PACRG: variants seen among roughly 807,000 people sequenced by gnomAD.
PACRG encodes parkin coregulated, also known as parkin coregulated gene protein.
Under a neutral mutation model 29.7 loss-of-function variants are expected in PACRG, and 29 were observed. That is an observed-to-expected ratio of 0.98 (90% CI 0.73 to 1.33). The LOEUF (loss-of-function observed/expected upper bound fraction) is 1.33. Ranked by LOEUF, PACRG falls within the 40% of genes most tolerant of loss-of-function variation. PACRG has a pLI of 0.00. For missense variants in PACRG, 279 were observed against 316.2 expected, an observed-to-expected ratio of 0.88 and a Z score of 0.89; for synonymous variants, 116 against 118.7, an observed-to-expected ratio of 0.98 and a Z score of 0.15.
chr6:162,832,340 G>A (rs1466858054), intron 2 of PACRG, among the ~76,000 whole-genome samples: 1 of 152,004 alleles, frequency 6.6e-6, no homozygotes, highest in African/African-American at 2.4e-5. Flanking sequence ...CATGTCTTTT[G>A]CCCACTTCTT....
At chr6:163,265,287 C>T (rs1783488098) in intron 4 of PACRG, among the ~76,000 whole-genome samples, 1 of 152,118 alleles carries the variant, frequency 6.6e-6, no homozygotes, top group African/African-American at 2.4e-5. Context: ...TGTGCAGGCC[C>T]CTTCTGGTCC....
chr6:163,268,138 C>T (rs953471750), intron 4 of PACRG, among the ~76,000 whole-genome samples: 1 of 152,156 alleles, frequency 6.6e-6, no homozygotes, highest in Non-Finnish European at 1.5e-5. Context: ...CGGTGGCTCA[C>T]ACCTGTAATC....
intron 2 of PACRG, among the ~76,000 whole-genome samples, chr6:162,829,364 A>G (rs1473846283): frequency 6.6e-6 from 1 of 152,246 alleles, no homozygotes; most frequent in East Asian, 1.9e-4. Flanking sequence ...GTATAACAGG[A>G]TGTATCTGAG....
At chr6:162,976,195 G>A (rs570219124) in intron 2 of PACRG, among the ~76,000 whole-genome samples, 3 of 152,338 alleles carry the variant, frequency 2.0e-5, no homozygotes, top group Admixed American at 6.5e-5. Context: ...GAATAACAGA[G>A]GCACTGAGTA....
chr6:162,834,161 C>T (rs1789019197), intron 2 of PACRG, among the ~76,000 whole-genome samples: 1 of 151,938 alleles, frequency 6.6e-6, no homozygotes, highest in African/African-American at 2.4e-5. Flanking sequence ...GCAATATGGC[C>T]TCCAAATGTT....
At chr6:163,256,117 G>T (rs1466694323) in intron 4 of PACRG, among the ~76,000 whole-genome samples, 1 of 152,044 alleles carries the variant, frequency 6.6e-6, no homozygotes, top group Non-Finnish European at 1.5e-5. Context: ...AAACATATTT[G>T]ACTTTAATTT....
At chr6:162,727,338 A>ACGGTG, upstream of PACRG, 2 of 378,500 alleles carry the variant, frequency 5.3e-6, no homozygotes, top group Non-Finnish European at 9.4e-6. Flanking sequence ...CGGCGGGGAG[A>ACGGTG]AGGCTTCGGG....
chr6:163,009,167 A>T (rs528452000), intron 2 of PACRG, among the ~76,000 whole-genome samples: 9 of 152,326 alleles, frequency 5.9e-5, no homozygotes, highest in Middle Eastern at 6.8e-3. Context: ...CAAAATCCAG[A>T]TAACTGGCAA....
chr6:162,771,893 G>A (rs1309778148), intron 1 of PACRG, among the ~76,000 whole-genome samples: 1 of 152,078 alleles, frequency 6.6e-6, no homozygotes, highest in Non-Finnish European at 1.5e-5. Context: ...CCTTGTTAAG[G>A]AGAATAGTAG....
intron 4 of PACRG, among the ~76,000 whole-genome samples, chr6:163,148,901 C>T (rs1199615650): frequency 1.4e-5 from 2 of 137,960 alleles, no homozygotes; most frequent in Admixed American, 8.5e-5. Flanking sequence ...CACAACTGAC[C>T]GGTGATCCAT....
chr6:162,801,464 C>T (rs1263897957), intron 1 of PACRG, among the ~76,000 whole-genome samples: 1 of 150,244 alleles, frequency 6.7e-6, no homozygotes, highest in African/African-American at 2.5e-5. Context: ...CTCATAGCAC[C>T]GATTAGAAAA....
intron 4 of PACRG, among the ~76,000 whole-genome samples, chr6:163,269,633 C>T (rs1783657968): frequency 6.6e-6 from 1 of 151,824 alleles, no homozygotes; most frequent in Non-Finnish European, 1.5e-5. Flanking sequence ...GTAAAGATAT[C>T]CCACCCCACC....
chr6:163,252,513 C>T (rs1782949122), intron 4 of PACRG, among the ~76,000 whole-genome samples: 1 of 152,164 alleles, frequency 6.6e-6, no homozygotes, highest in Non-Finnish European at 1.5e-5. Flanking sequence ...TTGAGGTAGG[C>T]GCTGATGAGA....
intron 2 of PACRG, among the ~76,000 whole-genome samples, chr6:162,818,334 T>C (rs1452270764): frequency 6.6e-6 from 1 of 152,216 alleles, no homozygotes; most frequent in Non-Finnish European, 1.5e-5. Context: ...TTGCCATCCT[T>C]TAATTTTCTG....
intron 1 of PACRG, among the ~76,000 whole-genome samples, chr6:162,760,520 A>G (rs948365130): frequency 6.6e-6 from 1 of 152,170 alleles, no homozygotes; most frequent in African/African-American, 2.4e-5. Flanking sequence ...CAGGGTACCA[A>G]GAGACTTGTG....
chr6:163,115,666 A>G (rs1815951927), intron 4 of PACRG, among the ~76,000 whole-genome samples: 1 of 152,148 alleles, frequency 6.6e-6, no homozygotes, highest in African/African-American at 2.4e-5. Context: ...CTGCGATTGC[A>G]ATGTGAAGTC....
chr6:162,924,652 C>T (rs774549704), intron 2 of PACRG, among the ~76,000 whole-genome samples: 1 of 151,916 alleles, frequency 6.6e-6, no homozygotes, highest in Non-Finnish European at 1.5e-5. Flanking sequence ...GATGATAATA[C>T]AGTTTTTGTC....
chr6:162,791,926 G>A (rs1784982855), intron 1 of PACRG, among the ~76,000 whole-genome samples: 2 of 152,092 alleles, frequency 1.3e-5, no homozygotes, highest in African/African-American at 2.4e-5. Context: ...ACATGCTGAC[G>A]GGTGTGTAGA....
At chr6:162,794,196 C>T (rs1202815637) in intron 1 of PACRG, among the ~76,000 whole-genome samples, 2 of 152,088 alleles carry the variant, frequency 1.3e-5, no homozygotes, top group African/African-American at 4.8e-5. Context: ...TCTATTTGCA[C>T]CCCTGTGATT....
Sources: allele counts gnomAD v4.1 joint callset (sites outside exome capture counted in the v4.1 genomes callset), GRCh38; gene constraint gnomAD v4.1.1; transcripts MANE v1.5; gene names NCBI Gene and HGNC (gene_info 2026-07-23, HGNC 2026-07-21).